POU6F2: variants seen among roughly 807,000 people sequenced by gnomAD.
POU6F2 encodes POU class 6 homeobox 2, also known as POU domain, class 6, transcription factor 2.
Under a neutral mutation model 71.3 loss-of-function variants are expected in POU6F2, and 31 were observed. That is an observed-to-expected ratio of 0.43 (90% CI 0.33 to 0.59). The LOEUF (loss-of-function observed/expected upper bound fraction) is 0.59. Among genes scored for constraint, POU6F2 ranks in the 20% least tolerant of loss-of-function variants. POU6F2 has a pLI of 0.04. For synonymous variants in POU6F2, 347 were observed against 355.7 expected, an observed-to-expected ratio of 0.98 and a Z score of 0.27; for missense variants, 783 against 856.8, an observed-to-expected ratio of 0.91 and a Z score of 1.07.
chr7:39,355,019 C>A (rs73386418), intron 5 of POU6F2, among the ~76,000 whole-genome samples: 2,112 of 152,272 alleles, frequency 0.014, 39 homozygotes, highest in African/African-American at 0.046. Context: ...CCCAGTCTGA[C>A]AAGGCTCTCC....
chr7:39,375,058 T>G (rs1379121170), intron 5 of POU6F2, among the ~76,000 whole-genome samples: 1 of 152,318 alleles, frequency 6.6e-6, no homozygotes, highest in Non-Finnish European at 1.5e-5. Context: ...TTCACAGTAA[T>G]GAGAAATGAC....
At chr7:39,354,755 A>AT (rs1786218104) in intron 5 of POU6F2, among the ~76,000 whole-genome samples, 1 of 152,186 alleles carries the variant, frequency 6.6e-6, no homozygotes, top group Non-Finnish European at 1.5e-5. Flanking sequence ...AGAAGTTAGA[A>AT]TTTAGGAGGA....
chr7:39,141,611 A>G (rs1440918007), intron 2 of POU6F2, among the ~76,000 whole-genome samples: 1 of 152,238 alleles, frequency 6.6e-6, no homozygotes, highest in East Asian at 1.9e-4. Flanking sequence ...CTATAGTTCC[A>G]AAAGTATATA....
At chr7:39,284,463 A>G (rs542432855) in intron 4 of POU6F2, among the ~76,000 whole-genome samples, 1 of 152,244 alleles carries the variant, frequency 6.6e-6, no homozygotes, top group Non-Finnish European at 1.5e-5. Context: ...TTCTCCTGAC[A>G]GGTTATTATA....
intron 2 of POU6F2, among the ~76,000 whole-genome samples, chr7:39,112,060 G>T (rs976216427): frequency 2.0e-5 from 3 of 152,114 alleles, no homozygotes; most frequent in African/African-American, 7.2e-5. Flanking sequence ...AGGGATGATA[G>T]TTGCTATAGA....
At chr7:39,199,449 G>A (rs1036876732) in intron 2 of POU6F2, among the ~76,000 whole-genome samples, 4 of 152,058 alleles carry the variant, frequency 2.6e-5, no homozygotes, top group African/African-American at 9.7e-5. Context: ...AAGAGATGCT[G>A]AGACTGGTTT....
At position 39,433,563 on chromosome 7, in the gene POU6F2, G is replaced by A. The variant is rs374381395; in HGVS notation, c.1320+280G>A. On this transcript the variant is annotated intron_variant, in intron 7 of 9. Coordinates refer to ENST00000518318, the MANE Select transcript of POU6F2 (RefSeq NM_001370959.1). ...AATAGGGATGTATTCTTATTAATCT[G>A]TGCTCAAGATACTTAATTTTCAGAT... Among the ~76,000 whole-genome samples, 438 of 152,212 alleles carry A rather than the reference G, an allele frequency of 2.9e-3. 1 individual carries two copies. The highest frequency in any genetic ancestry group is 9.4e-3 in the African/African-American group (391 of 41,518).
intron 2 of POU6F2, among the ~76,000 whole-genome samples, chr7:39,149,567 A>G (rs1395189686): frequency 6.6e-6 from 1 of 152,222 alleles, no homozygotes; most frequent in Non-Finnish European, 1.5e-5. Context: ...TGTTTAATAC[A>G]GGACAACTTT....
chr7:39,406,801 G>T, intron 6 of POU6F2, 61 bp downstream of exon 6: 1 of 1,583,826 alleles, frequency 6.3e-7, no homozygotes, highest in South Asian at 1.1e-5. Flanking sequence ...GAAAGGAATT[G>T]AATTTCTTTT....
At chr7:39,252,292 A>G (rs1458866536) in intron 4 of POU6F2, among the ~76,000 whole-genome samples, 3 of 151,788 alleles carry the variant, frequency 2.0e-5, no homozygotes, top group Non-Finnish European at 4.4e-5. Flanking sequence ...GAGGACCCCG[A>G]AGATGTTGGG....
At chr7:39,234,760 A>G (rs1794641953) in intron 4 of POU6F2, among the ~76,000 whole-genome samples, 1 of 152,180 alleles carries the variant, frequency 6.6e-6, no homozygotes. Context: ...ACTAATGTCA[A>G]TTTTCTTGCC....
chr7:39,278,432 C>T (rs1052403903), intron 4 of POU6F2, among the ~76,000 whole-genome samples: 1 of 152,076 alleles, frequency 6.6e-6, no homozygotes, highest in Non-Finnish European at 1.5e-5. Context: ...GTCCAAGTGG[C>T]CAATATTCTT....
At chr7:39,229,926 C>T (rs1296892058) in intron 4 of POU6F2, among the ~76,000 whole-genome samples, 3 of 152,174 alleles carry the variant, frequency 2.0e-5, no homozygotes, top group African/African-American at 4.8e-5. Context: ...TCTGAGCACT[C>T]TCAAAACTCA....
intron 1 of POU6F2, chr7:38,984,906 G>A (rs1308323221): frequency 6.6e-6 from 1 of 152,074 alleles, no homozygotes; most frequent in Non-Finnish European, 1.5e-5. Context: ...GCATTGATCA[G>A]AACTCAGGCA....
At chr7:39,204,566 C>CT (rs5883678) in intron 3 of POU6F2, among the ~76,000 whole-genome samples, 45,204 of 149,746 alleles carry the variant, frequency 0.3, 7,067 homozygotes, top group East Asian at 0.69. Context: ...TGTGGAAACA[C>CT]TTTTTTTTTT....
intron 5 of POU6F2, among the ~76,000 whole-genome samples, chr7:39,348,623 A>G (rs958551635): frequency 1.5e-4 from 23 of 152,200 alleles, no homozygotes; most frequent in Non-Finnish European, 2.8e-4. Context: ...CTCTATTTAT[A>G]TCTTACCACC....
At chr7:38,997,211 T>G (rs1220714530) in intron 1 of POU6F2, among the ~76,000 whole-genome samples, 1 of 152,206 alleles carries the variant, frequency 6.6e-6, no homozygotes, top group African/African-American at 2.4e-5. Context: ...AGACATGGCT[T>G]GGAATGCATT....
At chr7:39,293,198 C>A (rs1784794410) in intron 4 of POU6F2, among the ~76,000 whole-genome samples, 1 of 152,136 alleles carries the variant, frequency 6.6e-6, no homozygotes, top group Admixed American at 6.5e-5. Flanking sequence ...GGTCAGCTGG[C>A]TTCTGGGGGG....
chr7:39,440,013 A>G (rs796257661), intron 7 of POU6F2, among the ~76,000 whole-genome samples: 8 of 152,308 alleles, frequency 5.3e-5, no homozygotes, highest in African/African-American at 1.9e-4. Flanking sequence ...AGTGGCCCCC[A>G]ATCTATTCTG....
Sources: gnomAD v4.1 joint callset for allele counts (sites outside exome capture counted in the v4.1 genomes callset) on GRCh38, gnomAD v4.1.1 for gene constraint, MANE v1.5 for transcripts, NCBI Gene and HGNC (gene_info 2026-07-23, HGNC 2026-07-21) for gene names.